CSMD3: variants seen among roughly 807,000 people sequenced by gnomAD.
The protein encoded by CSMD3 is CUB and Sushi multiple domains 3, also known as CUB and sushi domain-containing protein 3.
Under a neutral mutation model 435.2 loss-of-function variants are expected in CSMD3, and 177 were observed. The ratio of observed to expected loss-of-function variants is 0.41; its 90% confidence interval spans 0.36 to 0.46. CSMD3 has a LOEUF of 0.46. CSMD3 is among the 20% of genes least tolerant of loss of function. The probability of loss-of-function intolerance (pLI) is 0.34; values close to 1 mark genes in which losing one functional copy is unlikely to be tolerated. For synonymous variants in CSMD3, 1,656 were observed against 1,520.5 expected, an observed-to-expected ratio of 1.09 and a Z score of -2.07; for missense variants, 4,265 against 4,504.6, an observed-to-expected ratio of 0.95 and a Z score of 1.52.
intron 3 of CSMD3, among the ~76,000 whole-genome samples, chr8:113,204,458 G>A (rs1477188083): frequency 2.6e-5 from 4 of 151,956 alleles, no homozygotes; most frequent in Admixed American, 2.6e-4. Flanking sequence ...AGCTTATAAA[G>A]TAAAAAAGTT....
At chr8:113,318,168 G>C (rs531876380) in intron 1 of CSMD3, among the ~76,000 whole-genome samples, 1 of 152,240 alleles carries the variant, frequency 6.6e-6, no homozygotes, top group African/African-American at 2.4e-5. Flanking sequence ...TACAGATACA[G>C]TGAAACCATA....
rs568369397 is a variant in CSMD3, at chr8:112,277,307, C to T, written c.9508+3867G>A. ...AATCATCTCCCTCAAGTTCAAAGTTCCACAAATCTCTAGGGCAAGGGCAAA... is the reference window on the plus strand; with the variant it reads ...AATCATCTCCCTCAAGTTCAAAGTTTCACAAATCTCTAGGGCAAGGGCAAA... On this transcript the variant is annotated intron_variant, in intron 59 of 70. Transcript: ENST00000297405. Among the ~76,000 whole-genome samples, 85 of 152,252 alleles carry T rather than the reference C, an allele frequency of 5.6e-4. No homozygotes were observed. The South Asian group carries it at 8.9e-3, about 16-fold the overall frequency.
At chr8:113,054,502 TTTTC>T (rs1211800376) in intron 5 of CSMD3, among the ~76,000 whole-genome samples, 22 of 152,174 alleles carry the variant, frequency 1.4e-4, no homozygotes, top group African/African-American at 4.8e-4. Context: ...ATCTTTATTA[TTTTC>T]TTTGTGTTCT....
At chr8:112,256,683 T>A (rs1439917013) in intron 61 of CSMD3, among the ~76,000 whole-genome samples, 1 of 152,212 alleles carries the variant, frequency 6.6e-6, no homozygotes, top group African/African-American at 2.4e-5. Context: ...AGAAAATACA[T>A]AACATATAAT....
rs35712078 is a variant in CSMD3 at position 112,256,302 on chromosome 8, G to GA, written c.9863-876dup. ...TGTGAAAAAGTGGTAAGTCCCGTGG[G>GA]AAAAAAAAAATCATTCAGACAAAAG... On this transcript the variant is annotated intron_variant, in intron 61 of 70. Coordinates refer to ENST00000297405, the MANE Select transcript of CSMD3 (RefSeq NM_198123.2). Among the ~76,000 whole-genome samples the GA allele has an allele frequency of 2.8e-3, 420 of 149,918 alleles. 1 individual carries two copies. Among genetic ancestry groups the GA allele is most frequent in the African/African-American group, 9.2e-3 (375 of 40,814 alleles).
chr8:112,529,886 A>G (rs1034476853), intron 27 of CSMD3, among the ~76,000 whole-genome samples: 1 of 152,192 alleles, frequency 6.6e-6, no homozygotes, highest in African/African-American at 2.4e-5. Context: ...ACAAATAAAA[A>G]TAACTATCAT....
chr8:112,310,104 AG>A (rs1265993583), intron 50 of CSMD3: 1 of 152,252 alleles, frequency 6.6e-6, no homozygotes, highest in Admixed American at 6.5e-5. Context: ...AAATTTTCAA[AG>A]TCCAATGACA....
chr8:113,127,611 T>G (rs1355974609), intron 4 of CSMD3, among the ~76,000 whole-genome samples: 1 of 152,050 alleles, frequency 6.6e-6, no homozygotes, highest in Non-Finnish European at 1.5e-5. Flanking sequence ...GGTTTACTCC[T>G]TTCACCTAGG....
intron 10 of CSMD3, among the ~76,000 whole-genome samples, chr8:112,915,145 A>G (rs984794118): frequency 2.0e-5 from 3 of 151,922 alleles, no homozygotes; most frequent in African/African-American, 7.2e-5. Flanking sequence ...CCTTTTATAT[A>G]GGTAGCTTCT....
chr8:113,321,501 A>C (rs887272856), intron 1 of CSMD3, among the ~76,000 whole-genome samples: 2 of 152,140 alleles, frequency 1.3e-5, no homozygotes, highest in African/African-American at 4.8e-5. Context: ...GTCACTTGTC[A>C]TTTATCTTTT....
chr8:112,269,801 T>C (rs1195713942), intron 59 of CSMD3, among the ~76,000 whole-genome samples: 1 of 152,226 alleles, frequency 6.6e-6, no homozygotes, highest in Non-Finnish European at 1.5e-5. Flanking sequence ...TTGAGCGATC[T>C]GGTATTATGC....
At chr8:112,617,479 A>C (rs932826140) in intron 22 of CSMD3, among the ~76,000 whole-genome samples, 12 of 152,184 alleles carry the variant, frequency 7.9e-5, no homozygotes, top group Non-Finnish European at 1.5e-4. Context: ...ACAATAGCTA[A>C]AAATATTCAA....
chr8:113,158,453 T>G (rs552808896), intron 4 of CSMD3, among the ~76,000 whole-genome samples: 1 of 152,200 alleles, frequency 6.6e-6, no homozygotes, highest in Non-Finnish European at 1.5e-5. Flanking sequence ...AAATACAAGA[T>G]AATAAAATAA....
intron 13 of CSMD3, among the ~76,000 whole-genome samples, chr8:112,775,791 A>G (rs572866726): frequency 6.6e-6 from 1 of 152,014 alleles, no homozygotes; most frequent in Admixed American, 6.6e-5. Context: ...TGTGTGTTTT[A>G]ACTATCTTCC....
At chr8:112,331,665 C>A (rs1264596469) in intron 45 of CSMD3, among the ~76,000 whole-genome samples, 1 of 151,862 alleles carries the variant, frequency 6.6e-6, no homozygotes, top group African/African-American at 2.4e-5. Context: ...ATTGAACTGT[C>A]AACCTTATAA....
intron 13 of CSMD3, among the ~76,000 whole-genome samples, chr8:112,718,968 C>T (rs1335518079): frequency 1.3e-5 from 2 of 152,060 alleles, no homozygotes; most frequent in Non-Finnish European, 2.9e-5. Context: ...AACTGTACAC[C>T]TGTCAAATGA....
At chr8:112,299,544 C>T (rs1820705002) in intron 53 of CSMD3, among the ~76,000 whole-genome samples, 1 of 152,002 alleles carries the variant, frequency 6.6e-6, no homozygotes. Flanking sequence ...GAAAAAAATG[C>T]TAATTGTAGA....
chr8:113,385,163 T>C (rs2094434132), intron 1 of CSMD3, among the ~76,000 whole-genome samples: 1 of 152,018 alleles, frequency 6.6e-6, no homozygotes, highest in South Asian at 2.1e-4. Flanking sequence ...AACCCTAACA[T>C]CACTACTTAG....
chr8:113,184,651 T>C (rs2092472269), intron 3 of CSMD3, among the ~76,000 whole-genome samples: 1 of 152,080 alleles, frequency 6.6e-6, no homozygotes. Flanking sequence ...AGAACTCCAG[T>C]TCATCATTAA....
Sources: gnomAD v4.1 joint callset for allele counts (sites outside exome capture counted in the v4.1 genomes callset) on GRCh38, gnomAD v4.1.1 for gene constraint, MANE v1.5 for transcripts, NCBI Gene and HGNC (gene_info 2026-07-23, HGNC 2026-07-21) for gene names.